The following PLCG2 variants were observed in gnomAD, a reference collection of about 807,000 sequenced individuals.
The protein encoded by PLCG2 is 1-phosphatidylinositol 4,5-bisphosphate phosphodiesterase gamma-2.
Under a neutral mutation model 175.6 loss-of-function variants are expected in PLCG2, and 69 were observed. That is an observed-to-expected ratio of 0.39 (90% CI 0.32 to 0.48). PLCG2 has a LOEUF of 0.48. Ranked by LOEUF, PLCG2 falls within the 20% of genes least tolerant of loss-of-function variation. The pLI is 0.91. For missense variants in PLCG2, 1,798 were observed against 1,650.9 expected (o/e 1.09, Z -1.54); for synonymous variants, 827 against 624.0 (o/e 1.33, Z -4.85).
At chr16:81,783,315 T>G (rs1910825008) in intron 1 of PLCG2, among the ~76,000 whole-genome samples, 1 of 152,166 alleles carries the variant, frequency 6.6e-6, no homozygotes, top group African/African-American at 2.4e-5. Context: ...ATTATTATAT[T>G]ATTATTATGC....
chr16:81,818,328 A>T (rs1904642054), intron 2 of PLCG2, among the ~76,000 whole-genome samples: 1 of 152,076 alleles, frequency 6.6e-6, no homozygotes, highest in Non-Finnish European at 1.5e-5. Context: ...GAGCATTGTC[A>T]TATGGTGGTT....
chr16:81,772,724 A>G lies in PLCG2; in HGVS notation c.-47-13219A>G, dbSNP rs190769226. On this transcript the variant is annotated intron_variant, in intron 2 of 5. Coordinates refer to the PLCG2 transcript ENST00000565054. ...TCCCAGCTACTCGGGAGGCTGAGGCAGGATAACCAGGGAGGTGGAGGTTGC... is the reference window on the plus strand; with the variant it reads ...TCCCAGCTACTCGGGAGGCTGAGGCGGGATAACCAGGGAGGTGGAGGTTGC... Among the ~76,000 whole-genome samples the G allele has an allele frequency of 7.5e-3, 1,139 of 151,376 alleles. 10 individuals carry two copies. Among genetic ancestry groups the G allele is most frequent in the Non-Finnish European group, 0.011 (761 of 67,880 alleles).
rs1597158261 is a variant in PLCG2, at chr16:81,958,320, C to T, written c.*322C>T. ...TCAATTAAGCCTTCTGTTGCACGAC[C>T]TGTGCAGTGAACAGGATTTCTTTTC... On this transcript the variant is annotated 3_prime_UTR_variant, in exon 33 of 33. Coordinates refer to ENST00000564138, the MANE Select transcript of PLCG2 (RefSeq NM_002661.5). The T allele has an allele frequency of 5.6e-6, 2 of 355,730 alleles. No homozygotes were observed. Among genetic ancestry groups the T allele is most frequent in the Non-Finnish European group, 5.1e-6 (1 of 194,192 alleles). The allele number at this position is 355,730 out of a possible 1,614,324, so 22.0% of individuals were successfully genotyped here. A position where few individuals can be genotyped will look rare whatever the true frequency, so the allele number is the denominator to read the frequency against.
intron 2 of PLCG2, among the ~76,000 whole-genome samples, chr16:81,809,870 G>C (rs1904302583): frequency 6.6e-6 from 1 of 151,866 alleles, no homozygotes; most frequent in Non-Finnish European, 1.5e-5. Flanking sequence ...CAAAAAAAGA[G>C]AATTTACTGG....
chr16:81,803,270 C>G (rs1400361747), intron 2 of PLCG2, among the ~76,000 whole-genome samples: 3 of 152,048 alleles, frequency 2.0e-5, no homozygotes, highest in African/African-American at 7.2e-5. Context: ...AGGTGCCCAC[C>G]ACCACGCCTG....
At chr16:81,810,649 TA>T (rs57784877) in intron 2 of PLCG2, among the ~76,000 whole-genome samples, 23,551 of 150,478 alleles carry the variant, frequency 0.16, 1,934 homozygotes, top group African/African-American at 0.21. Context: ...TCTTTCTTTT[TA>T]TTTTTTGCTG....
intron 2 of PLCG2, among the ~76,000 whole-genome samples, chr16:81,846,650 G>C (rs1906134778): frequency 6.6e-6 from 1 of 152,202 alleles, no homozygotes. Context: ...TGAGTAGATA[G>C]TCCATGTTCA....
chr16:81,893,240 T>C (rs924844625), intron 11 of PLCG2, among the ~76,000 whole-genome samples: 1 of 152,208 alleles, frequency 6.6e-6, no homozygotes, highest in Non-Finnish European at 1.5e-5. Flanking sequence ...ACGGCAGTTT[T>C]GGTGGATATG....
intron 2 of PLCG2, among the ~76,000 whole-genome samples, chr16:81,792,479 T>TAAAAAAAA (rs1911278505): frequency 1.2e-4 from 1 of 8,430 alleles, no homozygotes; most frequent in African/African-American, 7.2e-4. Flanking sequence ...AGGCTCTGTC[T>TAAAAAAAA]CAAAAAAAAA....
chr16:81,875,164 G>C (rs8058290), intron 7 of PLCG2, among the ~76,000 whole-genome samples: 1 of 151,312 alleles, frequency 6.6e-6, no homozygotes, highest in East Asian at 2.0e-4. Context: ...GGGTTTCACC[G>C]TGTTGGCCAG....
chr16:81,940,024 C>G lies in PLCG2; in HGVS notation c.3446C>G (p.Ala1149Gly). The change falls in exon 30 of 33, where the codon GCT becomes GGT. Residue 1149 changes from alanine to glycine, a missense_variant. Transcript: ENST00000564138. ...EDMFSDPNFL[A>G]HATYPIKAVK... ...ATGTTCAGCGATCCCAACTTTCTTG[C>G]TCATGCCACTTACCCCATTAAAGCA... The G allele has an allele frequency of 6.2e-7, 1 of 1,613,992 alleles. No individual in the cohort carries two copies. The highest frequency in any genetic ancestry group is 8.5e-7 in the Non-Finnish European group (1 of 1,179,842).
chr16:81,849,540 C>T (rs1906293683), intron 2 of PLCG2, among the ~76,000 whole-genome samples: 1 of 152,108 alleles, frequency 6.6e-6, no homozygotes, highest in Non-Finnish European at 1.5e-5. Context: ...AGGCGGATCA[C>T]CTGAGGTCAG....
intron 2 of PLCG2, among the ~76,000 whole-genome samples, chr16:81,805,300 C>A (rs970920817): frequency 3.3e-5 from 5 of 152,018 alleles, no homozygotes; most frequent in African/African-American, 1.2e-4. Flanking sequence ...GAGATCGAGA[C>A]CATCCTGACT....
intron 25 of PLCG2, among the ~76,000 whole-genome samples, chr16:81,933,208 T>C (rs1910576188): frequency 1.3e-5 from 2 of 152,214 alleles, no homozygotes; most frequent in Admixed American, 1.3e-4. Context: ...AGAATGATTT[T>C]TAAAGTCCTG....
intron 19 of PLCG2, among the ~76,000 whole-genome samples, chr16:81,914,977 T>C (rs899975612): frequency 3.9e-5 from 6 of 152,204 alleles, no homozygotes; most frequent in African/African-American, 1.4e-4. Flanking sequence ...TCTGGGACCC[T>C]AAGTCATTGT....
chr16:81,841,237 T>C (rs1030611612), intron 2 of PLCG2, among the ~76,000 whole-genome samples: 9 of 150,858 alleles, frequency 6.0e-5, no homozygotes, highest in African/African-American at 2.2e-4. Flanking sequence ...TATTTATTTA[T>C]TTATTTATTT....
chr16:81,936,767 A>C (rs1474872497), intron 27 of PLCG2, among the ~76,000 whole-genome samples: 1 of 152,256 alleles, frequency 6.6e-6, no homozygotes, highest in Non-Finnish European at 1.5e-5. Context: ...ACTAACATAC[A>C]CAAACTTCTG....
intron 2 of PLCG2, among the ~76,000 whole-genome samples, chr16:81,830,629 C>T (rs1427085860): frequency 1.3e-5 from 2 of 148,602 alleles, no homozygotes; most frequent in Admixed American, 1.3e-4. Flanking sequence ...TAAAAAACAA[C>T]AACAAAAAAA....
intron 1 of PLCG2, among the ~76,000 whole-genome samples, chr16:81,743,508 C>T (rs945796714): frequency 2.6e-5 from 4 of 152,298 alleles, no homozygotes; most frequent in African/African-American, 4.8e-5. Context: ...GGGACATTTC[C>T]GGAGCCAGAG....
Sources: gnomAD v4.1 joint callset for allele counts (sites outside exome capture counted in the v4.1 genomes callset) on GRCh38, gnomAD v4.1.1 for gene constraint, MANE v1.5 for transcripts, NCBI Gene and HGNC (gene_info 2026-07-23, HGNC 2026-07-21) for gene names.